The following NDRG3 variants were observed in gnomAD, a reference collection of about 807,000 sequenced individuals.
NDRG3 encodes the protein protein NDRG3.
NDRG3 carries 23 observed loss-of-function variants against 57.2 expected under a neutral mutation model. That is an observed-to-expected ratio of 0.40 (90% CI 0.29 to 0.57). NDRG3 has a LOEUF of 0.57. NDRG3 is among the 20% of genes least tolerant of loss of function. The pLI, the probability that NDRG3 is intolerant of heterozygous loss-of-function variation, is 0.42. For missense variants in NDRG3, 384 were observed against 457.3 expected, an observed-to-expected ratio of 0.84 and a Z score of 1.46; for synonymous variants, 132 against 162.6, an observed-to-expected ratio of 0.81 and a Z score of 1.43.
chr20:36,665,427 G>A (rs1038601749), intron 10 of NDRG3, 126 bp from the exon 11 acceptor site: 23 of 859,440 alleles, frequency 2.7e-5, no homozygotes, highest in Admixed American at 6.3e-5. Flanking sequence ...CACCTGAGAA[G>A]GGAAGAGGCC....
At chr20:36,742,835 T>C (rs929684280) in intron 1 of NDRG3, among the ~76,000 whole-genome samples, 7 of 152,152 alleles carry the variant, frequency 4.6e-5, no homozygotes. Flanking sequence ...GCCTTACCCA[T>C]AGTCAATATA....
intron 3 of NDRG3, among the ~76,000 whole-genome samples, chr20:36,695,452 C>T (rs776487799): frequency 5.9e-5 from 9 of 152,128 alleles, no homozygotes; most frequent in East Asian, 1.9e-4. Context: ...AGAGCAATAT[C>T]GCTGAATTCT....
chr20:36,676,893 C>A (rs138501243), intron 8 of NDRG3, among the ~76,000 whole-genome samples: 1 of 152,382 alleles, frequency 6.6e-6, no homozygotes, highest in African/African-American at 2.4e-5. Flanking sequence ...GGGTTGGGAC[C>A]AGAGCCGCAG....
chr20:36,709,304 G>C (rs1600935135), intron 2 of NDRG3, among the ~76,000 whole-genome samples: 1 of 152,196 alleles, frequency 6.6e-6, no homozygotes, highest in East Asian at 1.9e-4. Flanking sequence ...AGTTCTACTG[G>C]ACAGCACTGA....
chr20:36,741,021 T>C (rs1274362947), intron 1 of NDRG3, among the ~76,000 whole-genome samples: 1 of 152,186 alleles, frequency 6.6e-6, no homozygotes, highest in Non-Finnish European at 1.5e-5. Context: ...AAGAAACAAT[T>C]TGACATCCAG....
intron 3 of NDRG3, among the ~76,000 whole-genome samples, chr20:36,702,103 T>C (rs1187829441): frequency 6.6e-6 from 1 of 152,082 alleles, no homozygotes; most frequent in Non-Finnish European, 1.5e-5. Context: ...CTGAACTAGT[T>C]TAGTTATATT....
chr20:36,662,757 C>T (rs1462289422), intron 12 of NDRG3, among the ~76,000 whole-genome samples: 1 of 152,166 alleles, frequency 6.6e-6, no homozygotes, highest in South Asian at 2.1e-4. Flanking sequence ...CTAGGTTTGA[C>T]TGTGTATGAA....
At chr20:36,676,358 C>T (rs1033666008) in intron 8 of NDRG3, among the ~76,000 whole-genome samples, 1 of 152,116 alleles carries the variant, frequency 6.6e-6, no homozygotes, top group Admixed American at 6.6e-5. Flanking sequence ...TTATAAAATA[C>T]CATAGTTTTA....
At chr20:36,707,471 T>G (rs1013918382) in intron 2 of NDRG3, among the ~76,000 whole-genome samples, 4 of 152,004 alleles carry the variant, frequency 2.6e-5, no homozygotes, top group African/African-American at 9.7e-5. Flanking sequence ...GACAAAGATA[T>G]GGATGGATCA....
chr20:36,714,724 C>T (rs1283939947), intron 2 of NDRG3, among the ~76,000 whole-genome samples: 4 of 151,564 alleles, frequency 2.6e-5, no homozygotes, highest in African/African-American at 7.3e-5. Flanking sequence ...CGCCATTCTC[C>T]TGCCTCAGCC....
Position 36,687,549 on chromosome 20 carries a change from G to A in NDRG3, c.263C>T (p.Ala88Val). The stretch of plus-strand genomic sequence containing the variant: ...GCCTGGGGCATCCACATGACAGACA[G>A]CAAAGTGCTGGGTGATCTCTTGCAT... ...EDMQEITQHF[A>V]VCHVDAPGQQ... Residue 88 changes from alanine to valine, a missense_variant, in exon 5 of 16, where the codon GCT (alanine) becomes GTT (valine). By Grantham distance (64) the Ala-to-Val change is moderately conservative. Coordinates refer to ENST00000349004, the MANE Select transcript of NDRG3 (RefSeq NM_032013.4). The A allele has an allele frequency of 6.2e-7, 1 of 1,614,058 alleles. No individual in the cohort carries two copies. The highest frequency in any genetic ancestry group is 8.5e-7 in the Non-Finnish European group (1 of 1,179,974).
chr20:36,712,110 TG>T (rs924950239), intron 2 of NDRG3, among the ~76,000 whole-genome samples: 1 of 151,752 alleles, frequency 6.6e-6, no homozygotes, highest in Admixed American at 6.6e-5. Flanking sequence ...TTTTTGTTGT[TG>T]TTTTTTTTTG....
intron 8 of NDRG3, among the ~76,000 whole-genome samples, chr20:36,674,359 C>T (rs1980458353): frequency 6.6e-6 from 1 of 151,500 alleles, no homozygotes; most frequent in Non-Finnish European, 1.5e-5. Flanking sequence ...TGTGCCACCA[C>T]ACCTGGCTAA....
intron 7 of NDRG3, among the ~76,000 whole-genome samples, chr20:36,682,164 T>C (rs899156374): frequency 1.3e-5 from 2 of 152,236 alleles, no homozygotes; most frequent in African/African-American, 4.8e-5. Context: ...CCTATGGCTA[T>C]GACAAACTTT....
chr20:36,677,880 C>A (rs1331796226), intron 8 of NDRG3, among the ~76,000 whole-genome samples: 2 of 152,148 alleles, frequency 1.3e-5, no homozygotes, highest in African/African-American at 2.4e-5. Context: ...TCTGGCTAGA[C>A]AAATCAACAC....
chr20:36,710,156 T>C (rs1026658813), intron 2 of NDRG3, among the ~76,000 whole-genome samples: 2 of 151,592 alleles, frequency 1.3e-5, no homozygotes, highest in Non-Finnish European at 2.9e-5. Context: ...CCCATCTCTA[T>C]AAAAAATGCA....
chr20:36,691,574 A>G (rs953289850), intron 3 of NDRG3, among the ~76,000 whole-genome samples: 12 of 152,150 alleles, frequency 7.9e-5, no homozygotes, highest in African/African-American at 2.7e-4. Flanking sequence ...TTAGCCAGGC[A>G]TGATGGCAGG....
chr20:36,736,031 G>T (rs62206155), intron 1 of NDRG3, among the ~76,000 whole-genome samples: 34 of 151,332 alleles, frequency 2.2e-4, no homozygotes, highest in Admixed American at 2.6e-4. Flanking sequence ...CAATATAGCT[G>T]GGAAAGAAGA....
chr20:36,700,829 A>G (rs1983178028), intron 3 of NDRG3, among the ~76,000 whole-genome samples: 1 of 151,904 alleles, frequency 6.6e-6, no homozygotes, highest in Non-Finnish European at 1.5e-5. Flanking sequence ...GCTGGAGTCC[A>G]GTGGTGTGAT....
Sources: gnomAD v4.1 joint callset for allele counts (sites outside exome capture counted in the v4.1 genomes callset) on GRCh38, gnomAD v4.1.1 for gene constraint, MANE v1.5 for transcripts, NCBI Gene and HGNC (gene_info 2026-07-23, HGNC 2026-07-21) for gene names.